The following NCOR1 variants were observed in gnomAD, a reference collection of about 807,000 sequenced individuals.
NCOR1 encodes the protein protein phosphatase 1, regulatory subunit 109.
In NCOR1, 63 loss-of-function variants were observed where a neutral mutation model predicts 288.1. The ratio of observed to expected loss-of-function variants is 0.22; its 90% CI spans 0.18 to 0.27. NCOR1 has a LOEUF of 0.27. Ranked by LOEUF, NCOR1 falls within the 10% of genes least tolerant of loss-of-function variation. The pLI, the probability that NCOR1 is intolerant of heterozygous loss-of-function variation, is 1.00. For synonymous variants in NCOR1, 1,007 were observed against 1,065.9 expected (o/e 0.94, Z 1.08); for missense variants, 2,397 against 3,019.2 (o/e 0.79, Z 4.83).
chr17:16,122,699 C>T (rs1403672420), intron 15 of NCOR1: 6 of 152,298 alleles, frequency 3.9e-5, no homozygotes, highest in Admixed American at 6.5e-5. Context: ...AGCAGTGGCG[C>T]GAACACAGCT....
chr17:16,113,300 T>C (rs556427389), intron 18 of NCOR1, among the ~76,000 whole-genome samples: 2 of 152,224 alleles, frequency 1.3e-5, no homozygotes, highest in South Asian at 4.2e-4. Flanking sequence ...CTTCCCCTTT[T>C]GGAAATCTCT....
Position 16,138,171 on chromosome 17 carries a change from T to C in NCOR1, c.1394A>G (p.Tyr465Cys). 1 of 1,612,926 alleles carries C rather than the reference T, an allele frequency of 6.2e-7. No homozygotes were observed. The highest frequency in any genetic ancestry group is 1.3e-5 in the African/African-American group (1 of 74,946). Residue 465 changes from tyrosine (Y) to cysteine (C), a missense_variant, in exon 13 of 46, where the codon TAC becomes TGC. Tyr to Cys is a radical substitution (Grantham distance 194). Coordinates refer to ENST00000268712, the MANE Select transcript of NCOR1 (RefSeq NM_006311.4). ...HPKNFGLIAS[Y>C]LERKSVPDCV... ...ACCATGTCTTACCTTCCTCTCCAAG[T>C]ATGATGCAATTAGTCCAAAGTTTTT...
intron 4 of NCOR1, among the ~76,000 whole-genome samples, chr17:16,170,926 T>C (rs1056392729): frequency 4.0e-5 from 6 of 150,872 alleles, no homozygotes; most frequent in Non-Finnish European, 5.9e-5. Flanking sequence ...GATGGGTAAA[T>C]AAAAATAAGT....
intron 39 of NCOR1, 64 bp downstream of exon 39, chr17:16,057,843 T>C (rs1567749104): frequency 2.7e-6 from 4 of 1,506,734 alleles, no homozygotes; most frequent in Middle Eastern, 2.1e-4. Context: ...TTTTTCTATA[T>C]GAAATCTGCT....
At chr17:16,114,032 T>C (rs2070943694) in intron 18 of NCOR1, among the ~76,000 whole-genome samples, 1 of 150,510 alleles carries the variant, frequency 6.6e-6, no homozygotes. Flanking sequence ...TACTTGAGAC[T>C]GGGAAGTAAA....
At chr17:16,111,547 A>G (rs2070181229) in intron 18 of NCOR1, among the ~76,000 whole-genome samples, 1 of 152,116 alleles carries the variant, frequency 6.6e-6, no homozygotes, top group Admixed American at 6.5e-5. Flanking sequence ...GGTTGCAGTG[A>G]GCCAAGATCA....
At chr17:16,044,062 G>A (rs575617154) in intron 42 of NCOR1, among the ~76,000 whole-genome samples, 3 of 151,748 alleles carry the variant, frequency 2.0e-5, no homozygotes, top group Admixed American at 1.3e-4. Context: ...CCAGCTACTC[G>A]GGAGGCTGGC....
chr17:16,062,655 G>A (rs1331561447), intron 35 of NCOR1, among the ~76,000 whole-genome samples: 5 of 152,048 alleles, frequency 3.3e-5, no homozygotes, highest in Non-Finnish European at 5.9e-5. Flanking sequence ...ATCTAATCAG[G>A]CACAACTTTC....
intron 10 of NCOR1, among the ~76,000 whole-genome samples, chr17:16,145,075 T>C (rs1029330683): frequency 6.6e-6 from 1 of 152,220 alleles, no homozygotes; most frequent in African/African-American, 2.4e-5. Context: ...GGTTTTTGTA[T>C]TTTTTGGTGG....
At chr17:16,085,946 A>T (rs1318413796) in intron 23 of NCOR1, among the ~76,000 whole-genome samples, 4 of 152,238 alleles carry the variant, frequency 2.6e-5, no homozygotes, top group Non-Finnish European at 5.9e-5. Context: ...CCTTTACCAT[A>T]TGTTAGTGAA....
chr17:16,154,055 C>T (rs1446260081), intron 6 of NCOR1, among the ~76,000 whole-genome samples: 8 of 121,588 alleles, frequency 6.6e-5, no homozygotes, highest in African/African-American at 2.5e-4. Flanking sequence ...GAGACAGGGT[C>T]TCACTCTGTC....
intron 1 of NCOR1, among the ~76,000 whole-genome samples, chr17:16,209,117 G>C (rs1373033567): frequency 6.6e-6 from 1 of 152,118 alleles, no homozygotes; most frequent in Admixed American, 6.6e-5. Flanking sequence ...TTACGGTCTA[G>C]AGGCAAAGGA....
At chr17:16,072,899 CAT>C (rs2061930229) in intron 28 of NCOR1, among the ~76,000 whole-genome samples, 1 of 152,166 alleles carries the variant, frequency 6.6e-6, no homozygotes, top group Middle Eastern at 3.2e-3. Context: ...GTACTGAAGC[CAT>C]ATCACATGAG....
Position 16,058,925 on chromosome 17 carries a change from T to C in NCOR1, c.5882-326A>G, listed in dbSNP as rs577614430. On this transcript the variant is annotated intron_variant, in intron 37 of 45. Transcript: ENST00000268712. ...TTAGTAGGGCGTGGTAGCTCATGCCTGTAATCCCAGCTACTCGGGAGGCTG... is the reference window on the plus strand; with the variant it reads ...TTAGTAGGGCGTGGTAGCTCATGCCCGTAATCCCAGCTACTCGGGAGGCTG... Among the ~76,000 whole-genome samples, 4 of 151,822 alleles carry C rather than the reference T, an allele frequency of 2.6e-5. No homozygotes were observed. In the East Asian group the frequency reaches 7.7e-4, roughly 29 times the overall value.
rs1342624605 is a variant in NCOR1, at chr17:16,031,682, A to C, written c.*614T>G. On this transcript the variant is annotated 3_prime_UTR_variant, in exon 46 of 46. Coordinates refer to ENST00000268712, the MANE Select transcript of NCOR1 (RefSeq NM_006311.4). ...CTTTTACCTTTTGACCCTAATGTAC[A>C]GATTTTATGACAGGGTCTGTGTTAA... is the stretch of plus-strand genomic sequence containing the variant. 2 of 227,576 alleles carry C rather than the reference A, an allele frequency of 8.8e-6. No individual in the cohort carries two copies. The highest frequency in any genetic ancestry group is 4.4e-5 in the African/African-American group (2 of 45,076). The allele number at this position is 227,576 out of a possible 1,614,324, so 14.1% of individuals were successfully genotyped here.
chr17:16,095,309 T>G (rs1192379134), intron 21 of NCOR1, among the ~76,000 whole-genome samples: 1 of 136,210 alleles, frequency 7.3e-6, no homozygotes, highest in Non-Finnish European at 1.6e-5. Flanking sequence ...GTCTGAGAAG[T>G]GAGGAGACCC....
intron 14 of NCOR1, among the ~76,000 whole-genome samples, chr17:16,135,577 T>C (rs1481852710): frequency 2.0e-5 from 3 of 152,224 alleles, no homozygotes; most frequent in Non-Finnish European, 4.4e-5. Context: ...TTCAACTCTG[T>C]GTAACCGTGT....
intron 3 of NCOR1, among the ~76,000 whole-genome samples, chr17:16,180,160 G>A (rs2085105838): frequency 6.6e-6 from 1 of 151,922 alleles, no homozygotes; most frequent in Admixed American, 6.6e-5. Flanking sequence ...CATAAAAATG[G>A]CCAAGAGATA....
intron 20 of NCOR1, among the ~76,000 whole-genome samples, 165 bp downstream of exon 20, chr17:16,101,085 G>T (rs1490902771): frequency 1.3e-5 from 2 of 152,212 alleles, no homozygotes; most frequent in African/African-American, 4.8e-5. Context: ...ACAATAGTTT[G>T]TGGTTATTTA....
Sources: allele counts gnomAD v4.1 joint callset (sites outside exome capture counted in the v4.1 genomes callset), GRCh38; gene constraint gnomAD v4.1.1; transcripts MANE v1.5; gene names NCBI Gene and HGNC (gene_info 2026-07-23, HGNC 2026-07-21).